Variants in OR2L13 observed in about 807,000 individuals in gnomAD.
OR2L13 encodes olfactory receptor family 2 subfamily L member 13, also known as olfactory receptor 2L13.
A neutral mutation model predicts 15.3 loss-of-function variants in OR2L13; 14 were observed. That is an observed-to-expected ratio of 0.91 (90% CI 0.60 to 1.43). The LOEUF (loss-of-function observed/expected upper bound fraction) is 1.43. Among genes scored for constraint, OR2L13 ranks in the 40% most tolerant of loss-of-function variants. OR2L13 has a pLI of 0.00. For missense variants in OR2L13, 367 were observed against 387.9 expected, an observed-to-expected ratio of 0.95 and a Z score of 0.45; for synonymous variants, 152 against 142.9, an observed-to-expected ratio of 1.06 and a Z score of -0.45.
chr1:248,021,090 T>A, the OR2L13 span, among the ~76,000 whole-genome samples: 2 of 152,090 alleles, frequency 1.3e-5, no homozygotes, highest in African/African-American at 4.8e-5. Flanking sequence ...ATATATGCAT[T>A]TAACTTTTCC....
the OR2L13 span, chr1:248,083,823 A>G: frequency 6.2e-7 from 1 of 1,613,702 alleles, no homozygotes; most frequent in Admixed American, 1.7e-5. Context: ...TTTGGGTCTC[A>G]TATAGGTAAA....
At chr1:247,990,922 C>T in the OR2L13 span, 45,782 of 1,477,616 alleles carry the variant, frequency 0.031, 858 homozygotes, top group Middle Eastern at 0.05. Context: ...TTCCTATGGC[C>T]GGATTCTCCT....
chr1:247,995,728 GTTTA>G, the OR2L13 span, among the ~76,000 whole-genome samples: 3 of 149,622 alleles, frequency 2.0e-5, no homozygotes, highest in Non-Finnish European at 2.9e-5. Context: ...TTTATTTTTT[GTTTA>G]TTTATTTTTT....
the OR2L13 span, among the ~76,000 whole-genome samples, chr1:248,000,647 A>G: frequency 1.3e-5 from 2 of 150,878 alleles, no homozygotes; most frequent in Non-Finnish European, 2.9e-5. Context: ...AGGAGATTAT[A>G]TGGCTGTTTT....
the OR2L13 span, among the ~76,000 whole-genome samples, chr1:247,995,517 G>GA: frequency 6.6e-6 from 1 of 152,110 alleles, no homozygotes; most frequent in Non-Finnish European, 1.5e-5. Context: ...AGTGTTTATA[G>GA]AAAAAATTTT....
the OR2L13 span, among the ~76,000 whole-genome samples, chr1:248,079,330 G>A: frequency 6.1e-3 from 932 of 152,110 alleles, 17 homozygotes; most frequent in African/African-American, 0.022. Context: ...TGCAAAAATT[G>A]TAATAATAAA....
chr1:248,003,742 C>T, the OR2L13 span: 47 of 1,613,820 alleles, frequency 2.9e-5, no homozygotes, highest in Non-Finnish European at 3.7e-5. Context: ...GTGCCACCAT[C>T]TTTCTCGTGT....
chr1:247,980,986 G>A, the OR2L13 span: 14 of 152,216 alleles, frequency 9.2e-5, no homozygotes, highest in African/African-American at 3.4e-4. Context: ...AGGGAAGAAG[G>A]GACTCTGGCA....
At chr1:247,977,284 GAA>G in the OR2L13 span, among the ~76,000 whole-genome samples, 1 of 152,088 alleles carries the variant, frequency 6.6e-6, no homozygotes, top group Non-Finnish European at 1.5e-5. Context: ...ATGTCTATAG[GAA>G]AAAAGTTTTG....
At chr1:247,947,982 G>A in the OR2L13 span, among the ~76,000 whole-genome samples, 77 of 152,278 alleles carry the variant, frequency 5.1e-4, no homozygotes, top group African/African-American at 1.8e-3. Flanking sequence ...TTGCAAGGCC[G>A]AGACAGGAGG....
the OR2L13 span, among the ~76,000 whole-genome samples, chr1:248,077,725 A>G: frequency 6.6e-6 from 1 of 152,222 alleles, no homozygotes; most frequent in Non-Finnish European, 1.5e-5. Flanking sequence ...AACTTCTGTT[A>G]AAGGGAGATT....
the OR2L13 span, among the ~76,000 whole-genome samples, chr1:248,071,563 G>A: frequency 3.8e-3 from 572 of 152,154 alleles, 8 homozygotes; most frequent in African/African-American, 0.013. Flanking sequence ...TTGAAAACTG[G>A]CACAAGACAG....
At chr1:247,968,378 G>T in the OR2L13 span, among the ~76,000 whole-genome samples, 1 of 152,050 alleles carries the variant, frequency 6.6e-6, no homozygotes, top group East Asian at 1.9e-4. Context: ...AAGTTCTAGG[G>T]TACATGTGCA....
chr1:248,045,616 G>A, the OR2L13 span, among the ~76,000 whole-genome samples: 89 of 152,134 alleles, frequency 5.9e-4, no homozygotes, highest in Non-Finnish European at 1.1e-3. Context: ...CTACTATTAC[G>A]TTAAAAATCA....
the OR2L13 span, among the ~76,000 whole-genome samples, chr1:247,950,357 C>G: frequency 6.6e-6 from 1 of 152,228 alleles, no homozygotes; most frequent in South Asian, 2.1e-4. Context: ...TGGCCTGTGA[C>G]AAGTTTATGC....
chr1:248,019,418 T>C, the OR2L13 span, among the ~76,000 whole-genome samples: 1 of 152,170 alleles, frequency 6.6e-6, no homozygotes, highest in Non-Finnish European at 1.5e-5. Context: ...ATGAAACCCA[T>C]CATAAATCGA....
upstream of OR2L13, among the ~76,000 whole-genome samples, chr1:248,091,524 T>C (rs1164475512): frequency 3.3e-5 from 5 of 152,102 alleles, no homozygotes; most frequent in African/African-American, 1.2e-4. Context: ...CCCAGCACCA[T>C]TTATTGAACA....
At chr1:247,973,450 G>A in the OR2L13 span, among the ~76,000 whole-genome samples, 1 of 152,114 alleles carries the variant, frequency 6.6e-6, no homozygotes, top group Non-Finnish European at 1.5e-5. Flanking sequence ...CAAAATCAAT[G>A]TGCAAAAATC....
At chr1:247,965,586 C>G in the OR2L13 span, 30 of 1,591,550 alleles carry the variant, frequency 1.9e-5, no homozygotes, top group Non-Finnish European at 2.5e-5. Context: ...CCATCGTTGA[C>G]CTCATGTACA....
Sources: gnomAD v4.1 joint callset for allele counts (sites outside exome capture counted in the v4.1 genomes callset) on GRCh38, gnomAD v4.1.1 for gene constraint, MANE v1.5 for transcripts, NCBI Gene and HGNC (gene_info 2026-07-23, HGNC 2026-07-21) for gene names.